ATP2C1: variants seen among roughly 807,000 people sequenced by gnomAD.
ATP2C1 encodes the protein calcium-transporting ATPase type 2C member 1.
Under a neutral mutation model 120.5 loss-of-function variants are expected in ATP2C1, and 31 were observed. The observed-to-expected ratio is 0.26, with a 90% CI of 0.19 to 0.35. The LOEUF is 0.35. ATP2C1 is among the 10% of genes least tolerant of loss of function. The pLI, the probability that ATP2C1 is intolerant of heterozygous loss-of-function variation, is 1.00. For synonymous variants in ATP2C1, 351 were observed against 358.7 expected (o/e 0.98, Z 0.24); for missense variants, 731 against 1,107.5 (o/e 0.66, Z 4.83).
At chr3:130,921,840 T>C (rs1029295931) in intron 2 of ATP2C1, among the ~76,000 whole-genome samples, 6 of 152,214 alleles carry the variant, frequency 3.9e-5, no homozygotes, top group African/African-American at 1.4e-4. Flanking sequence ...ATTACCTTTT[T>C]GATAGGCTGT....
intron 6 of ATP2C1, 132 bp downstream of exon 6, chr3:130,937,595 T>C (rs2059727614): frequency 1.3e-6 from 1 of 766,578 alleles, no homozygotes; most frequent in Non-Finnish European, 2.3e-6. Context: ...GTTTTTCAAG[T>C]AATTTCAGAT....
At chr3:131,008,184 T>C (rs1265253807) in intron 26 of ATP2C1, among the ~76,000 whole-genome samples, 1 of 152,202 alleles carries the variant, frequency 6.6e-6, no homozygotes, top group East Asian at 1.9e-4. Flanking sequence ...ACACCCTTAA[T>C]CCCAGCACTT....
At chr3:130,888,861 T>C (rs975694942) in intron 1 of ATP2C1, among the ~76,000 whole-genome samples, 1 of 152,246 alleles carries the variant, frequency 6.6e-6, no homozygotes, top group African/African-American at 2.4e-5. Flanking sequence ...AGTATGCAGA[T>C]ATTTGTTAAA....
chr3:130,893,465 C>A (rs2069268317), upstream of ATP2C1, among the ~76,000 whole-genome samples: 1 of 152,178 alleles, frequency 6.6e-6, no homozygotes, highest in South Asian at 2.1e-4. Context: ...CCGGCTCCCC[C>A]AAGAACCAAG....
chr3:130,867,753 C>T (rs1229270695), intron 1 of ATP2C1, among the ~76,000 whole-genome samples: 3 of 46,126 alleles, frequency 6.5e-5, no homozygotes, highest in African/African-American at 1.3e-4. Context: ...GGCCACCCAT[C>T]GTCTGGGATA....
intron 20 of ATP2C1, among the ~76,000 whole-genome samples, chr3:130,987,570 ATCC>A: frequency 6.6e-6 from 1 of 152,190 alleles, no homozygotes; most frequent in Non-Finnish European, 1.5e-5. Flanking sequence ...GGCTCAAGTG[ATCC>A]TCCTACCTTG....
intron 1 of ATP2C1, among the ~76,000 whole-genome samples, chr3:130,879,287 T>C (rs2068707318): frequency 6.6e-6 from 1 of 152,184 alleles, no homozygotes; most frequent in African/African-American, 2.4e-5. Flanking sequence ...CAGGCTAGTC[T>C]TGAACTCCTG....
chr3:130,980,679 G>A lies in ATP2C1; in HGVS notation c.1839G>A (p.Lys613=). 6.2e-7 allele frequency: 1 copy of A among 1,610,386 alleles called. No individual in the cohort carries two copies. Among genetic ancestry groups the A allele is most frequent in the Non-Finnish European group, 8.5e-7 (1 of 1,176,932 alleles). Reference sequence around the variant, plus strand: ...AGCAGCTTTCACAAATAGTACCAAAGGTAGGCCTAAACTAAAGCCTTTTGG... The same window carrying A: ...AGCAGCTTTCACAAATAGTACCAAAAGTAGGCCTAAACTAAAGCCTTTTGG... ...DVQQLSQIVP[K]VAVFYRASPR... is the part of the protein sequence containing the mutation. Residue 613 remains lysine, a splice_region_variant and synonymous_variant, in exon 20 of 28, where the codon AAG becomes AAA. Coordinates refer to ENST00000510168, the MANE Select transcript of ATP2C1 (RefSeq NM_001378687.1).
chr3:130,938,009 G>T (rs1164025543), intron 6 of ATP2C1, among the ~76,000 whole-genome samples: 5 of 152,196 alleles, frequency 3.3e-5, no homozygotes, highest in Non-Finnish European at 7.4e-5. Context: ...CTGTTTTGAG[G>T]AATTAAAATG....
chr3:130,930,607 A>G lies in ATP2C1; in HGVS notation c.117+81A>G, dbSNP rs2059410800. On this transcript the variant is annotated intron_variant, in intron 3 of 27. Coordinates refer to ENST00000510168, the MANE Select transcript of ATP2C1 (RefSeq NM_001378687.1). ...TCTATAAAACAGTGCTGTCTAATTT[A>G]CTTTTCTTCAGTGATAGAAATATTC... 1.1e-5 allele frequency: 10 copies of G among 921,422 alleles called. No individual in the cohort carries two copies. The South Asian group carries it at 1.3e-4, about 12-fold the overall frequency. 57.1% of individuals were successfully genotyped at this position (921,422 alleles called of 1,614,324 possible).
rs543544752 is a variant in ATP2C1, at chr3:130,888,735, C to T, written c.108+37807C>T. ...AAGGGGTGGTGTCTGTGATTCAAGACTGTCTCTCCTACTCTCTTCAATGAT... is the reference window on the plus strand; with the variant it reads ...AAGGGGTGGTGTCTGTGATTCAAGATTGTCTCTCCTACTCTCTTCAATGAT... On this transcript the variant is annotated intron_variant, in intron 1 of 26. Transcript: ENST00000504381. 4.6e-5 allele frequency among the ~76,000 whole-genome samples: 7 copies of T among 152,292 alleles called. No homozygotes were observed. In the South Asian group the frequency reaches 1.5e-3, roughly 32 times the overall value.
chr3:130,997,890 A>T (rs1383064205), intron 25 of ATP2C1, 137 bp downstream of exon 25: 2 of 862,678 alleles, frequency 2.3e-6, no homozygotes, highest in Admixed American at 4.6e-5. Flanking sequence ...AACATTTTAA[A>T]AGAGTTTGAT....
At chr3:130,939,379 C>T (rs1417550534) in intron 6 of ATP2C1, among the ~76,000 whole-genome samples, 2 of 152,154 alleles carry the variant, frequency 1.3e-5, no homozygotes, top group African/African-American at 4.8e-5. Context: ...TGTACTTCTT[C>T]CCAGCCATAA....
chr3:130,993,666 C>G (rs1342243229), intron 21 of ATP2C1, among the ~76,000 whole-genome samples: 1 of 152,182 alleles, frequency 6.6e-6, no homozygotes, highest in Non-Finnish European at 1.5e-5. Flanking sequence ...GACACAATTG[C>G]CCCTGGTTGA....
At chr3:131,008,423 CAAAA>C (rs747486056) in intron 26 of ATP2C1, among the ~76,000 whole-genome samples, 1 of 86,978 alleles carries the variant, frequency 1.1e-5, no homozygotes, top group Non-Finnish European at 2.4e-5. Flanking sequence ...AAGACTGTCT[CAAAA>C]AAAAAAAAAA....
intron 1 of ATP2C1, among the ~76,000 whole-genome samples, chr3:130,879,225 C>T (rs553916089): frequency 6.6e-6 from 1 of 152,234 alleles, no homozygotes; most frequent in Admixed American, 6.5e-5. Context: ...CCATGCACAG[C>T]TAATTTTTGT....
intron 17 of ATP2C1, among the ~76,000 whole-genome samples, chr3:130,973,650 T>C (rs1315857334): frequency 6.6e-6 from 1 of 152,172 alleles, no homozygotes; most frequent in East Asian, 1.9e-4. Flanking sequence ...ATTGGAAACT[T>C]ATGAATTATT....
intron 26 of ATP2C1, among the ~76,000 whole-genome samples, chr3:131,008,855 C>A (rs979359881): frequency 3.9e-5 from 6 of 152,132 alleles, no homozygotes; most frequent in Non-Finnish European, 7.4e-5. Context: ...ATCAAGGCCC[C>A]CATGTAGAGA....
Position 131,001,301 on chromosome 3 carries a change from A to G in ATP2C1, c.2711A>G (p.Lys904Arg). The stretch of plus-strand genomic sequence containing the variant: ...AAGAAGGTTGAAAGGAGCAGGGAAA[A>G]GATCCAGAAGCATGTTAGTTCGACA... ...IIKKVERSRE[K>R]IQKHVSSTSS... The change falls in exon 28 of 28, where the codon AAG (lysine) becomes AGG (arginine). Residue 904 changes from lysine to arginine, a missense_variant. By Grantham distance (26) the Lys-to-Arg change is conservative. This residue lies in a region of ATP2C1 where 141 missense variants were observed against 201.6 expected (regional missense o/e 0.70). Transcript: ENST00000510168. 1 of 1,613,716 alleles carries G rather than the reference A, an allele frequency of 6.2e-7. No homozygotes were observed. Among genetic ancestry groups the G allele is most frequent in the Non-Finnish European group, 8.5e-7 (1 of 1,179,750 alleles).
Sources: allele counts gnomAD v4.1 joint callset (sites outside exome capture counted in the v4.1 genomes callset), GRCh38; gene constraint gnomAD v4.1.1; regional missense constraint gnomAD v4.1.1; transcripts MANE v1.5; gene names NCBI Gene and HGNC (gene_info 2026-07-23, HGNC 2026-07-21).